The following FBXW10B variants were observed in gnomAD, a reference collection of about 807,000 sequenced individuals.
FBXW10B encodes the protein F-box and WD repeat domain containing protein 10B.
chr17:15,591,470 G>A, the FBXW10B span, among the ~76,000 whole-genome samples: 6 of 152,042 alleles, frequency 3.9e-5, no homozygotes, highest in Non-Finnish European at 8.8e-5. Context: ...TGTGTTTTTA[G>A]TAGAGACAGG....
the FBXW10B span, among the ~76,000 whole-genome samples, chr17:15,617,885 GGCAAAACA>G: frequency 6.6e-6 from 1 of 152,268 alleles, no homozygotes; most frequent in South Asian, 2.1e-4. Flanking sequence ...TTTATACCAA[GGCAAAACA>G]GACACCACCC....
the FBXW10B span, chr17:15,594,440 C>A: frequency 3.4e-6 from 1 of 292,880 alleles, no homozygotes; most frequent in Admixed American, 4.5e-5. Context: ...CCACTGCACT[C>A]CAGCCTGGCA....
the FBXW10B span, chr17:15,589,192 C>T: frequency 1.4e-5 from 22 of 1,613,482 alleles, no homozygotes; most frequent in Non-Finnish European, 2.5e-6. Flanking sequence ...CACGTTAATT[C>T]TTTTAGCAAA....
At chr17:15,583,847 G>A in the FBXW10B span, among the ~76,000 whole-genome samples, 1 of 151,530 alleles carries the variant, frequency 6.6e-6, no homozygotes, top group Non-Finnish European at 1.5e-5. Flanking sequence ...CAGTAAACTT[G>A]TCTTATTTTA....
chr17:15,615,835 G>T, the FBXW10B span: 1 of 1,613,808 alleles, frequency 6.2e-7, no homozygotes, highest in African/African-American at 1.3e-5. Flanking sequence ...CCAAGACAAG[G>T]TTGCTCTTGA....
chr17:15,572,585 A>G, the FBXW10B span: 3 of 152,088 alleles, frequency 2.0e-5, no homozygotes, highest in Non-Finnish European at 4.4e-5. Flanking sequence ...CTAAAAGATC[A>G]TTCTAGGTGG....
chr17:15,613,634 T>C, the FBXW10B span: 1 of 1,577,794 alleles, frequency 6.3e-7, no homozygotes, highest in Non-Finnish European at 8.6e-7. Flanking sequence ...GGTAATCTGG[T>C]TCTGAATGAA....
chr17:15,582,850 A>G, the FBXW10B span, among the ~76,000 whole-genome samples: 25 of 151,998 alleles, frequency 1.6e-4, 1 homozygote, highest in Middle Eastern at 3.4e-3. Context: ...AATGTGCTCC[A>G]CCAATGCATT....
the FBXW10B span, among the ~76,000 whole-genome samples, chr17:15,590,213 G>A: frequency 6.6e-6 from 1 of 151,938 alleles, no homozygotes; most frequent in Admixed American, 6.5e-5. Context: ...GTCATTGTGA[G>A]GATGAAATGA....
At chr17:15,590,998 A>C in the FBXW10B span, among the ~76,000 whole-genome samples, 2 of 152,064 alleles carry the variant, frequency 1.3e-5, no homozygotes, top group Non-Finnish European at 2.9e-5. Flanking sequence ...CAGGTAGTAC[A>C]GGAGACTGGT....
the FBXW10B span, among the ~76,000 whole-genome samples, chr17:15,602,978 G>A: frequency 3.2e-5 from 4 of 126,232 alleles, 1 homozygote; most frequent in African/African-American, 1.4e-4. Context: ...GCACCTCCCA[G>A]GTTCAAGTGA....
At chr17:15,581,411 C>A in the FBXW10B span, among the ~76,000 whole-genome samples, 1 of 152,206 alleles carries the variant, frequency 6.6e-6, no homozygotes, top group Admixed American at 6.5e-5. Context: ...ACCACACTTG[C>A]TTCATCTTGC....
chr17:15,566,662 G>T, the FBXW10B span, among the ~76,000 whole-genome samples: 1 of 151,930 alleles, frequency 6.6e-6, no homozygotes, highest in African/African-American at 2.4e-5. Context: ...CCGGGTTCAC[G>T]CCGTTTTCCT....
At chr17:15,587,489 G>A in the FBXW10B span, among the ~76,000 whole-genome samples, 1 of 151,524 alleles carries the variant, frequency 6.6e-6, no homozygotes. Context: ...GGCCCCTATA[G>A]CAGAGTGGTA....
chr17:15,599,260 A>C, the FBXW10B span, among the ~76,000 whole-genome samples: 7 of 140,668 alleles, frequency 5.0e-5, no homozygotes, highest in Non-Finnish European at 9.1e-5. Context: ...ATCTTGGGTA[A>C]CTTCTACCCC....
At chr17:15,607,981 C>A in the FBXW10B span, among the ~76,000 whole-genome samples, 3 of 150,734 alleles carry the variant, frequency 2.0e-5, no homozygotes, top group East Asian at 2.0e-4. Context: ...ACAACTTTTT[C>A]AAAAATCAGC....
the FBXW10B span, chr17:15,569,071 G>C: frequency 1.1e-6 from 1 of 909,642 alleles, no homozygotes; most frequent in African/African-American, 1.7e-5. Flanking sequence ...ACATATCTTT[G>C]CTGTGATGAA....
the FBXW10B span, among the ~76,000 whole-genome samples, chr17:15,617,222 A>T: frequency 6.6e-6 from 1 of 152,198 alleles, no homozygotes; most frequent in Non-Finnish European, 1.5e-5. Flanking sequence ...CAAGTGACAT[A>T]TATTGTGATC....
chr17:15,566,098 C>A, the FBXW10B span: 1 of 1,607,566 alleles, frequency 6.2e-7, no homozygotes, highest in South Asian at 1.1e-5. Context: ...ATCAACTGCA[C>A]GTTGGATTGA....
Sources: gnomAD v4.1 joint callset for allele counts (sites outside exome capture counted in the v4.1 genomes callset) on GRCh38, gnomAD v4.1.1 for gene constraint, MANE v1.5 for transcripts, NCBI Gene and HGNC (gene_info 2026-07-23, HGNC 2026-07-21) for gene names.